Variants in ANK1 observed in about 807,000 individuals in gnomAD.
ANK1 encodes the protein ankyrin-1.
Under a neutral mutation model 210.4 loss-of-function variants are expected in ANK1, and 51 were observed. The observed-to-expected ratio is 0.24, with a 90% CI of 0.19 to 0.31. The LOEUF is 0.31. Ranked by LOEUF, ANK1 falls within the 10% of genes least tolerant of loss-of-function variation. The pLI is 1.00. For missense variants in ANK1, 2,051 were observed against 2,504.4 expected (o/e 0.82, Z 3.86); for synonymous variants, 967 against 1,025.9 (o/e 0.94, Z 1.10).
intron 26 of ANK1, 37 bp downstream of exon 26, chr8:41,696,326 G>C: frequency 6.2e-7 from 1 of 1,606,804 alleles, no homozygotes; most frequent in African/African-American, 1.3e-5. Flanking sequence ...CGTGGCACAG[G>C]GACAGGGGAG....
intron 38 of ANK1, among the ~76,000 whole-genome samples, chr8:41,671,210 C>A (rs1020273409): frequency 4.6e-5 from 7 of 152,276 alleles, no homozygotes; most frequent in Admixed American, 4.6e-4. Context: ...AAGAGAGCAC[C>A]CACTGCTCTA....
At chr8:41,697,654 C>T (rs984301709) in intron 24 of ANK1, 12 of 348,930 alleles carry the variant, frequency 3.4e-5, no homozygotes, top group Non-Finnish European at 2.8e-5. Flanking sequence ...GGCAGGTGTC[C>T]AGCCCTCCTG....
At chr8:41,776,602 G>T (rs1844101188) in intron 1 of ANK1, among the ~76,000 whole-genome samples, 1 of 152,156 alleles carries the variant, frequency 6.6e-6, no homozygotes, top group East Asian at 1.9e-4. Context: ...GGGACCCTCT[G>T]CTGTGAAACC....
chr8:41,824,920 T>A (rs929264461), intron 1 of ANK1, among the ~76,000 whole-genome samples: 1 of 152,216 alleles, frequency 6.6e-6, no homozygotes, highest in African/African-American at 2.4e-5. Context: ...TCCAAGGTTC[T>A]AGAGGTGGGG....
intron 1 of ANK1, among the ~76,000 whole-genome samples, chr8:41,777,026 T>C (rs539172111): frequency 5.2e-5 from 8 of 152,390 alleles, no homozygotes; most frequent in Admixed American, 3.9e-4. Context: ...GAATTCTGGC[T>C]GGCTGCTCTT....
At position 41,694,054 on chromosome 8, in the gene ANK1, C is replaced by T; in HGVS notation, c.3376G>A (p.Ala1126Thr). The T allele has an allele frequency of 6.2e-7, 1 of 1,613,948 alleles. No homozygotes were observed. Among genetic ancestry groups the T allele is most frequent in the African/African-American group, 1.3e-5 (1 of 75,048 alleles). The change falls in exon 29 of 43, where the codon GCC (alanine) becomes ACC (threonine). Residue 1126 changes from alanine (A) to threonine (T), a missense_variant. Around this residue, in one of 6 missense-constraint regions of ANK1, gnomAD observed 1,413 missense variants for 1,707.4 expected, o/e 0.83. Coordinates refer to ENST00000289734, the MANE Select transcript of ANK1 (RefSeq NM_000037.4). The surrounding 1 kb of genome is among the most constrained non-coding windows in gnomAD (Gnocchi z 5.7). ...ACGGTGACAATGGGGCTGAATGTGGCCTGGTTGCCCAGGAGCTTAGTGACA... is the reference window on the plus strand; with the variant it reads ...ACGGTGACAATGGGGCTGAATGTGGTCTGGTTGCCCAGGAGCTTAGTGACA... ...ELVTKLLGNQ[A>T]TFSPIVTVEP...
chr8:41,718,890 C>G (rs1021261645), intron 10 of ANK1, among the ~76,000 whole-genome samples: 1 of 152,198 alleles, frequency 6.6e-6, no homozygotes, highest in Non-Finnish European at 1.5e-5. Flanking sequence ...ATATCGACCC[C>G]AAATGTCAAC....
intron 1 of ANK1, 66 bp from the exon 2 acceptor site, chr8:41,758,203 G>C (rs571153672): frequency 1.4e-6 from 2 of 1,420,776 alleles, no homozygotes; most frequent in East Asian, 4.5e-5. Context: ...CCCCGTTCAA[G>C]TCCCAGGCCC....
At chr8:41,887,538 C>T (rs1180208436) in intron 1 of ANK1, among the ~76,000 whole-genome samples, 1 of 152,186 alleles carries the variant, frequency 6.6e-6, no homozygotes, top group Admixed American at 6.5e-5. Context: ...GGATTACAGG[C>T]GTGAGCCACT....
intron 1 of ANK1, among the ~76,000 whole-genome samples, chr8:41,849,806 T>A (rs1810868706): frequency 6.6e-6 from 1 of 152,162 alleles, no homozygotes; most frequent in Non-Finnish European, 1.5e-5. Flanking sequence ...TTTTCTCTCT[T>A]CCTCTTAACT....
At position 41,887,621 on chromosome 8, in the gene ANK1, CA is replaced by C. The variant is rs1242668383; in HGVS notation, c.126+8733del. Among the ~76,000 whole-genome samples the C allele has an allele frequency of 2.6e-5, 4 of 152,274 alleles. No individual in the cohort carries two copies. In the South Asian group the frequency reaches 6.2e-4, roughly 24 times the overall value. ...AAAAGAAAATTCAATCACCCGGAAACACACATGACAAAGATGACCACTGCTC... is the reference window on the plus strand; with the variant it reads ...AAAAGAAAATTCAATCACCCGGAAACCACATGACAAAGATGACCACTGCTC... On this transcript the variant is annotated intron_variant, in intron 1 of 42. Coordinates refer to the ANK1 transcript ENST00000265709.
chr8:41,753,907 C>T (rs926779080), intron 2 of ANK1, among the ~76,000 whole-genome samples: 5 of 152,188 alleles, frequency 3.3e-5, no homozygotes, highest in African/African-American at 4.8e-5. Flanking sequence ...GCACAGGCTG[C>T]TCTCTAAGAC....
At chr8:41,817,234 AAGG>A (rs1361576022) in intron 1 of ANK1, among the ~76,000 whole-genome samples, 1 of 152,240 alleles carries the variant, frequency 6.6e-6, no homozygotes, top group East Asian at 1.9e-4. Context: ...TTTCAACAGG[AAGG>A]AGTTTTGGGG....
chr8:41,846,155 AT>A (rs753525738), intron 1 of ANK1, among the ~76,000 whole-genome samples: 3 of 152,212 alleles, frequency 2.0e-5, no homozygotes, highest in Non-Finnish European at 4.4e-5. Context: ...GCCTCTGGCC[AT>A]TTTATGGGGG....
chr8:41,731,070 G>A (rs931817362), intron 3 of ANK1, among the ~76,000 whole-genome samples: 9 of 152,204 alleles, frequency 5.9e-5, no homozygotes, highest in African/African-American at 1.9e-4. Context: ...GGTAGCATAA[G>A]TGAGGAATAA....
chr8:41,655,846 A>G (rs1379767135), intron 42 of ANK1, 93 bp from the exon 43 acceptor site: 1 of 1,419,792 alleles, frequency 7.0e-7, no homozygotes, highest in Non-Finnish European at 9.9e-7. Flanking sequence ...CTGGCAGCTC[A>G]GGCCGAATCT....
intron 2 of ANK1, among the ~76,000 whole-genome samples, chr8:41,754,433 A>G (rs764992884): frequency 2.8e-4 from 43 of 152,344 alleles, no homozygotes; most frequent in Middle Eastern, 3.4e-3. Flanking sequence ...TATATAAGCC[A>G]AGAGTTCCTC....
intron 1 of ANK1, among the ~76,000 whole-genome samples, chr8:41,796,015 C>T (rs529916497): frequency 1.3e-5 from 2 of 152,314 alleles, no homozygotes; most frequent in South Asian, 4.1e-4. Flanking sequence ...CAAACACTCA[C>T]ATGTATTCCA....
intron 3 of ANK1, among the ~76,000 whole-genome samples, chr8:41,729,628 G>A (rs1488053620): frequency 1.3e-5 from 2 of 152,238 alleles, no homozygotes; most frequent in African/African-American, 4.8e-5. Context: ...TAGCCTCTCA[G>A]CACTCTGGTA....
Sources: gnomAD v4.1 joint callset for allele counts (sites outside exome capture counted in the v4.1 genomes callset) on GRCh38, gnomAD v4.1.1 for gene constraint, gnomAD v4.1.1 regional missense constraint, Gnocchi (gnomAD v3.1) non-coding constraint, MANE v1.5 for transcripts, NCBI Gene and HGNC (gene_info 2026-07-23, HGNC 2026-07-21) for gene names.